U2AF2: variants seen among roughly 807,000 people sequenced by gnomAD.
U2AF2 encodes the protein splicing factor U2AF 65 kDa subunit.
In U2AF2, 6 loss-of-function variants were observed where a neutral mutation model predicts 52.6. The ratio of observed to expected loss-of-function variants is 0.11; its 90% confidence interval spans 0.06 to 0.23. The LOEUF (loss-of-function observed/expected upper bound fraction) is 0.23, where lower values mean the gene tolerates loss of function less well. Among genes scored for constraint, U2AF2 ranks in the 10% least tolerant of loss-of-function variants. The probability of loss-of-function intolerance (pLI) is 1.00; values close to 1 mark genes in which losing one functional copy is unlikely to be tolerated. For missense variants in U2AF2, 222 were observed against 677.1 expected, an observed-to-expected ratio of 0.33 and a Z score of 7.46; for synonymous variants, 284 against 258.2, an observed-to-expected ratio of 1.10 and a Z score of -0.96.
At chr19:55,663,552 G>A in intron 6 of U2AF2, 54 bp from the exon 7 acceptor site, 2 of 1,590,970 alleles carry the variant, frequency 1.3e-6, no homozygotes, top group Non-Finnish European at 1.7e-6. Flanking sequence ...GAACACTAGG[G>A]GCTGTACTAG....
chr19:55,661,527 CACACACACACACACA>C (rs1279207008), intron 5 of U2AF2, among the ~76,000 whole-genome samples: 4 of 151,110 alleles, frequency 2.6e-5, no homozygotes, highest in African/African-American at 7.3e-5. Context: ...CACACACACA[CACACACACACACACA>C]GACGCACGCT....
chr19:55,655,038 C>T lies in U2AF2; in HGVS notation c.-67C>T, dbSNP rs1359116599. 33 of 1,587,814 alleles carry T rather than the reference C, an allele frequency of 2.1e-5. No individual in the cohort carries two copies. In the East Asian group the frequency reaches 3.0e-4, roughly 15 times the overall value. ...AGCCGAAGCCAGCGGCGGAAGTAGC[C>T]GAAGCGGCTGGAGCGGGCGGCAAGG... On this transcript the variant is annotated 5_prime_UTR_variant, in exon 1 of 12. Coordinates refer to ENST00000308924, the MANE Select transcript of U2AF2 (RefSeq NM_007279.3).
At chr19:55,664,588 C>CA (rs1984423434) in intron 7 of U2AF2, among the ~76,000 whole-genome samples, 1 of 152,162 alleles carries the variant, frequency 6.6e-6, no homozygotes, top group African/African-American at 2.4e-5. Flanking sequence ...GGCGGGTACT[C>CA]ACTGTTCGAG....
At chr19:55,673,584 G>A (rs879847880) in intron 11 of U2AF2, among the ~76,000 whole-genome samples, 2 of 152,070 alleles carry the variant, frequency 1.3e-5, no homozygotes, top group Non-Finnish European at 2.9e-5. Context: ...TTCTGGGAGC[G>A]CCCACCATGG....
Position 55,660,164 on chromosome 19 carries a change from TC to T in U2AF2, c.186-10del. Reference sequence around the variant, plus strand: ...AGTCACCCCTCCCCATACCTTTCCCTCCCACCCCCCAGCAAACCTTTGACCA... The same window carrying T: ...AGTCACCCCTCCCCATACCTTTCCCTCCACCCCCCAGCAAACCTTTGACCA... On this transcript the variant is annotated splice_polypyrimidine_tract_variant and intron_variant, in intron 2 of 11. Coordinates refer to ENST00000308924, the MANE Select transcript of U2AF2 (RefSeq NM_007279.3). 1.4e-6 allele frequency: 1 copy of T among 739,436 alleles called. No homozygotes were observed. Among genetic ancestry groups the T allele is most frequent in the Admixed American group, 2.9e-5 (1 of 34,864 alleles). 45.8% of individuals were successfully genotyped at this position (739,436 alleles called of 1,614,324 possible). A position where few individuals can be genotyped will look rare whatever the true frequency, so the allele number is the denominator to read the frequency against.
chr19:55,658,204 G>A (rs570178555), intron 1 of U2AF2, among the ~76,000 whole-genome samples: 37 of 152,160 alleles, frequency 2.4e-4, no homozygotes, highest in Non-Finnish European at 5.3e-4. Context: ...ACCTTAACGT[G>A]TGCATCTGTT....
At position 55,668,500 on chromosome 19, in the gene U2AF2, C is replaced by T; in HGVS notation, c.743-7C>T. 1.3e-6 allele frequency: 2 copies of T among 1,588,092 alleles called. No homozygotes were observed. The highest frequency in any genetic ancestry group is 1.7e-6 in the Non-Finnish European group (2 of 1,165,294). On this transcript the variant is annotated splice_region_variant and splice_polypyrimidine_tract_variant and intron_variant, in intron 7 of 11. Coordinates refer to ENST00000308924, the MANE Select transcript of U2AF2 (RefSeq NM_007279.3). This position sits in a 1 kb window ranked among gnomAD's most constrained non-coding sequence, Gnocchi z 5.5. ...GGAATTGAAGTCCTCCTCTTCTCTA[C>T]CCATAGGGGTTGTGTCCACTGTGGT...
intron 11 of U2AF2, chr19:55,670,819 G>C (rs566248255): frequency 5.4e-5 from 9 of 166,406 alleles, no homozygotes; most frequent in South Asian, 1.4e-4. Context: ...CACATAGTGA[G>C]GTTGGGGGTG....
rs1985125144 is a variant in U2AF2 at position 55,674,131 on chromosome 19, C to T, written c.*63C>T. The T allele has an allele frequency of 1.3e-6, 2 of 1,501,892 alleles. No homozygotes were observed. Among genetic ancestry groups the T allele is most frequent in the Non-Finnish European group, 1.8e-6 (2 of 1,127,136 alleles). The allele number at this position is 1,501,892 out of a possible 1,614,324, so 93.0% of individuals were successfully genotyped here. ...GGCTTCTCCCCACTCCCGCCCCCCC[C>T]TTATCCCCCTCTGAAGACGATGGGC... On this transcript the variant is annotated 3_prime_UTR_variant, in exon 12 of 12. Coordinates refer to ENST00000308924, the MANE Select transcript of U2AF2 (RefSeq NM_007279.3).
rs1052766230 is a variant in U2AF2, at chr19:55,668,947, C to T, written c.946-136C>T. The T allele has an allele frequency of 2.0e-5, 29 of 1,482,984 alleles. No individual in the cohort carries two copies. The highest frequency in any genetic ancestry group is 2.4e-5 in the Non-Finnish European group (27 of 1,103,794). The allele number at this position is 1,482,984 out of a possible 1,614,324, so 91.9% of individuals were successfully genotyped here. Reference sequence around the variant, plus strand: ...GCTCGTCCCTGTCCCATGGCGTTGGCTTTTTCCAGGCTCTTAATCCCCTTT... The same window carrying T: ...GCTCGTCCCTGTCCCATGGCGTTGGTTTTTTCCAGGCTCTTAATCCCCTTT... On this transcript the variant is annotated intron_variant, in intron 9 of 11. Transcript: ENST00000308924. This position sits in a 1 kb window ranked among gnomAD's most constrained non-coding sequence, Gnocchi z 5.5.
intron 6 of U2AF2, among the ~76,000 whole-genome samples, chr19:55,663,030 C>T (rs967316782): frequency 6.6e-6 from 1 of 152,062 alleles, no homozygotes. Context: ...TCTTCTGTGT[C>T]TGTGTTTCTC....
At chr19:55,658,984 A>G (rs1293574569) in intron 1 of U2AF2, 1 of 524,396 alleles carries the variant, frequency 1.9e-6, no homozygotes, top group South Asian at 7.8e-5. Flanking sequence ...ATCCTCAGGT[A>G]TCTTACACCC....
At chr19:55,664,506 G>A (rs896069428) in intron 7 of U2AF2, among the ~76,000 whole-genome samples, 16 of 152,324 alleles carry the variant, frequency 1.1e-4, no homozygotes, top group African/African-American at 3.6e-4. Context: ...ATTTGAGGGA[G>A]GGCTTGTCTG....
At chr19:55,665,565 C>T (rs965854616) in intron 7 of U2AF2, among the ~76,000 whole-genome samples, 2 of 151,870 alleles carry the variant, frequency 1.3e-5, no homozygotes, top group Non-Finnish European at 2.9e-5. Context: ...GTCCTAAGTG[C>T]CCTCCATGCA....
Position 55,660,157 on chromosome 19 carries a change from C to CTT in U2AF2, c.186-18_186-17dup. The CTT allele has an allele frequency of 6.3e-7, 1 of 1,594,276 alleles. No homozygotes were observed. Among genetic ancestry groups the CTT allele is most frequent in the Non-Finnish European group, 8.6e-7 (1 of 1,167,006 alleles). On this transcript the variant is annotated intron_variant, in intron 2 of 11. Transcript: ENST00000308924. ...GGTCCCCAGTCACCCCTCCCCATAC[C>CTT]TTTCCCTCCCACCCCCCAGCAAACC...
At chr19:55,669,038 C>T (rs1368156447) in intron 9 of U2AF2, 45 bp from the exon 10 acceptor site, 1 of 1,594,802 alleles carries the variant, frequency 6.3e-7, no homozygotes, top group Non-Finnish European at 8.6e-7. Context: ...GGTCCCTGAC[C>T]CCACCTCTCC....
At chr19:55,663,245 G>A (rs910733915) in intron 6 of U2AF2, among the ~76,000 whole-genome samples, 5 of 152,046 alleles carry the variant, frequency 3.3e-5, no homozygotes, top group East Asian at 1.9e-4. Flanking sequence ...GCATTGCTCC[G>A]GAGATGGGCT....
chr19:55,669,767 T>C (rs958354019), intron 11 of U2AF2, 75 bp downstream of exon 11: 1 of 1,484,958 alleles, frequency 6.7e-7, no homozygotes, highest in Non-Finnish European at 9.0e-7. Flanking sequence ...CTTCCTCTCT[T>C]GCTCCCTCAC....
At chr19:55,663,832 A>G in intron 7 of U2AF2, 88 bp downstream of exon 7, 3 of 1,569,188 alleles carry the variant, frequency 1.9e-6, no homozygotes, top group South Asian at 1.2e-5. Flanking sequence ...GGAGTGGCTT[A>G]GGAAGTTGTG....
Sources: allele counts gnomAD v4.1 joint callset (sites outside exome capture counted in the v4.1 genomes callset), GRCh38; gene constraint gnomAD v4.1.1; non-coding constraint Gnocchi (gnomAD v3.1); transcripts MANE v1.5; gene names NCBI Gene and HGNC (gene_info 2026-07-23, HGNC 2026-07-21).